Variants in SGSM1 observed in about 807,000 individuals in gnomAD.
SGSM1 encodes the protein RUN and TBC1 domain containing 2.
In SGSM1, 73 loss-of-function variants were observed where a neutral mutation model predicts 133.8. That is an observed-to-expected ratio of 0.55 (90% confidence interval 0.45 to 0.66). The LOEUF is 0.66. SGSM1 is among the 30% of genes least tolerant of loss of function. The pLI, the probability that SGSM1 is intolerant of heterozygous loss-of-function variation, is 0.00. For missense variants in SGSM1, 1,213 were observed against 1,448.1 expected (o/e 0.84, Z 2.64); for synonymous variants, 563 against 573.0 (o/e 0.98, Z 0.25).
chr22:24,918,363 G>A (rs1933893693), intron 23 of SGSM1, among the ~76,000 whole-genome samples: 1 of 151,946 alleles, frequency 6.6e-6, no homozygotes. Flanking sequence ...GGGCATGGTG[G>A]CACATGCCTA....
intron 9 of SGSM1, among the ~76,000 whole-genome samples, chr22:24,863,453 G>A (rs545221297): frequency 2.0e-5 from 3 of 152,256 alleles, no homozygotes; most frequent in Admixed American, 6.5e-5. Flanking sequence ...CACCGCGCCC[G>A]GCCATCGTAG....
At chr22:24,844,212 T>G (rs1929960713) in intron 2 of SGSM1, 1 of 152,264 alleles carries the variant, frequency 6.6e-6, no homozygotes, top group Non-Finnish European at 1.5e-5. Flanking sequence ...AAGAGAGAGA[T>G]AGACGGTCAA....
At chr22:24,866,193 G>A (rs1358704633) in intron 9 of SGSM1, among the ~76,000 whole-genome samples, 1 of 152,230 alleles carries the variant, frequency 6.6e-6, no homozygotes, top group South Asian at 2.1e-4. Flanking sequence ...ATAATCATAG[G>A]GACCACTTCC....
At chr22:24,841,106 T>A (rs539036576) in intron 2 of SGSM1, among the ~76,000 whole-genome samples, 272 of 152,330 alleles carry the variant, frequency 1.8e-3, no homozygotes, top group Non-Finnish European at 3.3e-3. Flanking sequence ...CGCCTTGGCC[T>A]CCCAAAGTGC....
At chr22:24,820,495 GT>G (rs1331419467) in intron 2 of SGSM1, among the ~76,000 whole-genome samples, 2 of 152,226 alleles carry the variant, frequency 1.3e-5, no homozygotes, top group African/African-American at 4.8e-5. Flanking sequence ...TTTAGGGCAG[GT>G]TATGCGGGGA....
At chr22:24,877,109 G>A (rs909046055) in intron 13 of SGSM1, among the ~76,000 whole-genome samples, 2 of 152,176 alleles carry the variant, frequency 1.3e-5, no homozygotes, top group African/African-American at 4.8e-5. Flanking sequence ...TGGAACCTAC[G>A]ATAAAAAGGC....
chr22:24,861,952 C>CTT (rs1367539189), intron 9 of SGSM1, among the ~76,000 whole-genome samples: 83 of 142,366 alleles, frequency 5.8e-4, no homozygotes, highest in African/African-American at 2.2e-3. Flanking sequence ...TTCTTTCTTT[C>CTT]TTTCTTTTTT....
intron 10 of SGSM1, among the ~76,000 whole-genome samples, 177 bp downstream of exon 10, chr22:24,867,337 A>G (rs781151185): frequency 1.3e-4 from 20 of 152,344 alleles, no homozygotes; most frequent in South Asian, 4.1e-4. Flanking sequence ...CATCTGTAAC[A>G]TGGGAATTAT....
chr22:24,911,932 G>T (rs1933639465), intron 21 of SGSM1, among the ~76,000 whole-genome samples: 1 of 151,992 alleles, frequency 6.6e-6, no homozygotes, highest in Non-Finnish European at 1.5e-5. Context: ...GCGGGCGCCT[G>T]TAGTCCCAGC....
chr22:24,858,654 A>AAAAAAAG (rs1268815477), intron 8 of SGSM1, among the ~76,000 whole-genome samples: 9,597 of 140,732 alleles, frequency 0.068, 457 homozygotes, highest in South Asian at 0.16. Flanking sequence ...AAAAAAAAAA[A>AAAAAAAG]AAGAAGAAAG....
intron 2 of SGSM1, among the ~76,000 whole-genome samples, chr22:24,808,468 T>A (rs185509851): frequency 1.4e-3 from 211 of 152,248 alleles, no homozygotes; most frequent in African/African-American, 4.9e-3. Context: ...TCACTTTCAG[T>A]GGAGGGGCAT....
intron 2 of SGSM1, among the ~76,000 whole-genome samples, chr22:24,839,979 GGCTGGAGT>G (rs746601488): frequency 1.6e-5 from 2 of 128,952 alleles, no homozygotes; most frequent in Non-Finnish European, 3.1e-5. Context: ...CTGTCACCCA[GGCTGGAGT>G]GCTGGAGTGC....
intron 5 of SGSM1, 91 bp downstream of exon 5, chr22:24,850,523 T>A (rs974401523): frequency 3.6e-5 from 55 of 1,513,392 alleles, no homozygotes; most frequent in Admixed American, 1.5e-4. Context: ...AGCTGCTTTC[T>A]TTTTCCCCTT....
At position 24,924,506 on chromosome 22, in the gene SGSM1, G is replaced by A; in HGVS notation, c.*232G>A. ...TCCTGTTTGACCAAAGATTGCCCAA[G>A]TCTGGCGTTCCTCCCTTGCAGGAGG... On this transcript the variant is annotated 3_prime_UTR_variant, in exon 25 of 25. Coordinates refer to ENST00000400358, the MANE Select transcript of SGSM1 (RefSeq NM_001098497.3). 1.9e-6 allele frequency: 1 copy of A among 532,960 alleles called. No individual in the cohort carries two copies. The highest frequency in any genetic ancestry group is 3.4e-6 in the Non-Finnish European group (1 of 297,414). The allele number at this position is 532,960 out of a possible 1,614,324, so 33.0% of individuals were successfully genotyped here.
rs542725606 is a variant in SGSM1 at position 24,920,623 on chromosome 22, A to G, written c.3193+630A>G. Among the ~76,000 whole-genome samples the G allele has an allele frequency of 6.6e-5, 10 of 152,272 alleles. No homozygotes were observed. The South Asian group carries it at 1.4e-3, about 22-fold the overall frequency. Reference sequence around the variant, plus strand: ...AGGAGGGACCCAATAAACAAAAGCTATTGCCACTGTTATCACTATTTAAAA... The same window carrying G: ...AGGAGGGACCCAATAAACAAAAGCTGTTGCCACTGTTATCACTATTTAAAA... On this transcript the variant is annotated intron_variant, in intron 24 of 24. Transcript: ENST00000400358.
chr22:24,882,645 C>A (rs186272129), intron 14 of SGSM1, among the ~76,000 whole-genome samples: 5 of 152,162 alleles, frequency 3.3e-5, no homozygotes, highest in Non-Finnish European at 7.3e-5. Context: ...CATTAACCAA[C>A]GTCTCTGCAT....
rs374743896 is a variant in SGSM1 at position 24,841,097 on chromosome 22, G to A, written c.64-3800G>A. On this transcript the variant is annotated intron_variant, in intron 2 of 24. Coordinates refer to ENST00000400358, the MANE Select transcript of SGSM1 (RefSeq NM_001098497.3). The stretch of plus-strand genomic sequence containing the variant: ...GATCTCCTGACCTTGTGATCCGCCC[G>A]CCTTGGCCTCCCAAAGTGCTGGGAT... 5.1e-4 allele frequency among the ~76,000 whole-genome samples: 77 copies of A among 152,242 alleles called. No individual in the cohort carries two copies. In the East Asian group the frequency reaches 6.4e-3, roughly 13 times the overall value.
At chr22:24,917,055 CTTTT>C (rs139775) in intron 22 of SGSM1, among the ~76,000 whole-genome samples, 19 of 118,464 alleles carry the variant, frequency 1.6e-4, no homozygotes, top group Non-Finnish European at 1.2e-4. Context: ...ATAAAAAATT[CTTTT>C]TTTTTTTTTT....
rs1344759750 is a variant in SGSM1 at position 24,846,655 on chromosome 22, G to A, written c.140-979G>A. Among the ~76,000 whole-genome samples the A allele has an allele frequency of 8.5e-5, 13 of 152,104 alleles. No individual in the cohort carries two copies. The East Asian group carries it at 2.3e-3, about 27-fold the overall frequency. ...TTCTTTTGTCCATTGTTTCTTATAA[G>A]CTGTTGTCAGGAAGGATTAAACTAT... On this transcript the variant is annotated intron_variant, in intron 3 of 24. Coordinates refer to ENST00000400358, the MANE Select transcript of SGSM1 (RefSeq NM_001098497.3).
Sources: gnomAD v4.1 joint callset for allele counts (sites outside exome capture counted in the v4.1 genomes callset) on GRCh38, gnomAD v4.1.1 for gene constraint, MANE v1.5 for transcripts, NCBI Gene and HGNC (gene_info 2026-07-23, HGNC 2026-07-21) for gene names.